NOS1: variants seen among roughly 807,000 people sequenced by gnomAD.
NOS1 encodes the protein NOS type I.
A neutral mutation model predicts 164.5 loss-of-function variants in NOS1; 51 were observed. The observed-to-expected ratio is 0.31, with a 90% confidence interval of 0.25 to 0.39. The LOEUF is 0.39. Among genes scored for constraint, NOS1 ranks in the 10% least tolerant of loss-of-function variants. NOS1 has a pLI of 1.00. For synonymous variants in NOS1, 719 were observed against 745.8 expected (o/e 0.96, Z 0.59); for missense variants, 1,362 against 1,885.6 (o/e 0.72, Z 5.14).
chr12:117,213,256 G>A lies in NOS1; in HGVS notation c.*2053C>T. 1 of 985,476 alleles carries A rather than the reference G, an allele frequency of 1.0e-6. No individual in the cohort carries two copies. The highest frequency in any genetic ancestry group is 6.1e-5 in the Admixed American group (1 of 16,282). 61.0% of individuals were successfully genotyped at this position (985,476 alleles called of 1,614,324 possible). A position where few individuals can be genotyped will look rare whatever the true frequency, so the allele number is the denominator to read the frequency against. On this transcript the variant is annotated 3_prime_UTR_variant, in exon 29 of 29. Coordinates refer to ENST00000317775, the MANE Select transcript of NOS1 (RefSeq NM_000620.5). ...GGGGAATTGGGGAGGCGTCTCCAAA[G>A]CTATAAAGGATTGGAAAGAAAGCCT...
intron 24 of NOS1, among the ~76,000 whole-genome samples, chr12:117,225,792 C>CT (rs929278388): frequency 2.6e-5 from 4 of 151,320 alleles, no homozygotes; most frequent in African/African-American, 7.3e-5. Flanking sequence ...CCCTCGGCTA[C>CT]TTTTTTTTTG....
chr12:117,217,893 T>A (rs578014715), intron 28 of NOS1, among the ~76,000 whole-genome samples, 153 bp downstream of exon 28: 109 of 152,142 alleles, frequency 7.2e-4, no homozygotes, highest in Middle Eastern at 6.8e-3. Flanking sequence ...AGGTCTGGGG[T>A]GGTCTGGGAA....
chr12:117,215,834 G>A (rs1330698096), intron 28 of NOS1, among the ~76,000 whole-genome samples: 1 of 147,684 alleles, frequency 6.8e-6, no homozygotes, highest in African/African-American at 2.5e-5. Flanking sequence ...ATGCTCACAA[G>A]TACAACTGGC....
intron 3 of NOS1, among the ~76,000 whole-genome samples, chr12:117,307,954 G>T (rs748867045): frequency 4.7e-4 from 72 of 151,886 alleles, no homozygotes; most frequent in Non-Finnish European, 9.1e-4. Context: ...GGCGGAGGTT[G>T]CAGTGAGCAG....
intron 3 of NOS1, among the ~76,000 whole-genome samples, chr12:117,310,958 C>G (rs996639136): frequency 2.0e-5 from 3 of 152,242 alleles, no homozygotes; most frequent in South Asian, 4.2e-4. Context: ...TTCCGCCTCC[C>G]AGGTTCACAC....
At chr12:117,293,928 A>T (rs983169660) in intron 3 of NOS1, among the ~76,000 whole-genome samples, 6 of 152,056 alleles carry the variant, frequency 3.9e-5, no homozygotes. Context: ...CTGGCCAGGC[A>T]CCCTAAACAC....
chr12:117,232,320 C>G (rs1402561488), intron 21 of NOS1, among the ~76,000 whole-genome samples, 189 bp from the exon 22 acceptor site: 1 of 151,918 alleles, frequency 6.6e-6, no homozygotes, highest in Admixed American at 6.6e-5. Flanking sequence ...GAAGCAAATC[C>G]CAAATTAGGC....
At position 117,210,103 on chromosome 12, in the gene NOS1, G is replaced by T. The variant is rs950874791; in HGVS notation, c.*5206C>A. 2 of 616,178 alleles carry T rather than the reference G, an allele frequency of 3.2e-6. No individual in the cohort carries two copies. The highest frequency in any genetic ancestry group is 4.1e-6 in the Non-Finnish European group (2 of 493,086). The allele number at this position is 616,178 out of a possible 1,614,324, so 38.2% of individuals were successfully genotyped here. ...TCCTCCTGCCTCAGCCTCCCAAGTA[G>T]CTGGGACCACAGGAGCATGCCATCA... is the stretch of plus-strand genomic sequence containing the variant. On this transcript the variant is annotated 3_prime_UTR_variant, in exon 29 of 29. Coordinates refer to ENST00000317775, the MANE Select transcript of NOS1 (RefSeq NM_000620.5).
chr12:117,243,239 A>G lies in NOS1; in HGVS notation c.2962+58T>C. 1 of 1,599,610 alleles carries G rather than the reference A, an allele frequency of 6.3e-7. No homozygotes were observed. Among genetic ancestry groups the G allele is most frequent in the South Asian group, 1.1e-5 (1 of 88,002 alleles). On this transcript the variant is annotated intron_variant, in intron 19 of 28. Coordinates refer to ENST00000317775, the MANE Select transcript of NOS1 (RefSeq NM_000620.5). This position sits in a 1 kb window ranked among gnomAD's most constrained non-coding sequence, Gnocchi z 4.3. ...TCTCTAAGCACCTTCTGGAGGTGAG[A>G]TCACCTGCCTTTCCCCCATTGTCAC... is the stretch of plus-strand genomic sequence containing the variant.
chr12:117,236,915 G>GA (rs1180136644), intron 20 of NOS1, among the ~76,000 whole-genome samples: 12 of 152,194 alleles, frequency 7.9e-5, no homozygotes, highest in African/African-American at 2.9e-4. Flanking sequence ...AGGTGGGCTA[G>GA]AATGCAAGGT....
In NOS1 at chr12:117,227,569, A is replaced by T; in HGVS notation, c.3478T>A (p.Ser1160Thr). The T allele has an allele frequency of 1.2e-5, 20 of 1,613,780 alleles. No individual in the cohort carries two copies. The highest frequency in any genetic ancestry group is 1.7e-5 in the Non-Finnish European group (20 of 1,179,880). Reference sequence around the variant, plus strand: ...AGCAGGGTGGCCGGCATCTGGATAGATGGGAACTCCTCCAGCACCTCCACG... The same window carrying T: ...AGCAGGGTGGCCGGCATCTGGATAGTTGGGAACTCCTCCAGCACCTCCACG... ...TIVEVLEEFP[S>T]IQMPATLLLT... The change falls in exon 23 of 29, where the codon TCT becomes ACT. Residue 1160 changes from serine to threonine, a missense_variant. Ser to Thr is a moderately conservative substitution (Grantham distance 58). Transcript: ENST00000317775.
intron 1 of NOS1, among the ~76,000 whole-genome samples, chr12:117,336,501 GT>G (rs1464093855): frequency 6.6e-6 from 1 of 152,164 alleles, no homozygotes; most frequent in Non-Finnish European, 1.5e-5. Context: ...CAGTTGCAAT[GT>G]GCTGCAAGAG....
Position 117,272,430 on chromosome 12 carries a change from A to T in NOS1, c.1794T>A (p.Ile598=). 6.2e-7 allele frequency: 1 copy of T among 1,614,114 alleles called. No homozygotes were observed. The highest frequency in any genetic ancestry group is 8.5e-7 in the Non-Finnish European group (1 of 1,180,008). ...PFSGWYMGTE[I]GVRDYCDNSR... is the part of the protein sequence containing the mutation. ...AGTTGTCACAGTAGTCGCGGACACC[A>T]ATCTCTGTGCCCATGTACCAGCCAC... The change falls in exon 10 of 29, where the codon ATT becomes ATA. Residue 598 remains isoleucine (I), a synonymous_variant. Coordinates refer to ENST00000317775, the MANE Select transcript of NOS1 (RefSeq NM_000620.5). This position sits in a 1 kb window ranked among gnomAD's most constrained non-coding sequence, Gnocchi z 4.3.
At chr12:117,255,966 C>G (rs745724978) in intron 16 of NOS1, 3 of 1,488,710 alleles carry the variant, frequency 2.0e-6, no homozygotes, top group East Asian at 2.7e-5. Context: ...TGCAGCCAGA[C>G]CGTGGACTTC....
intron 18 of NOS1, 25 bp downstream of exon 18, chr12:117,247,323 T>C: frequency 1.3e-6 from 2 of 1,559,178 alleles, no homozygotes; most frequent in Non-Finnish European, 1.7e-6. Context: ...TACTTTTTCC[T>C]GTAGGTCCAT....
chr12:117,220,465 C>T (rs765044228), intron 26 of NOS1, among the ~76,000 whole-genome samples, 196 bp from the exon 27 acceptor site: 3 of 152,236 alleles, frequency 2.0e-5, no homozygotes, highest in South Asian at 4.2e-4. Context: ...TTGGAGGGTG[C>T]GGGAATGCAC....
rs567426512 is a variant in NOS1, at chr12:117,316,909, C to A, written c.726-5317G>T. Among the ~76,000 whole-genome samples, 5 of 152,270 alleles carry A rather than the reference C, an allele frequency of 3.3e-5. No homozygotes were observed. In the East Asian group the frequency reaches 7.7e-4, roughly 24 times the overall value. The stretch of plus-strand genomic sequence containing the variant: ...TATTATTATTTTATTGAGACAGAGT[C>A]TCACTCTGTCACCCAGGTTGGAGTG... On this transcript the variant is annotated intron_variant, in intron 2 of 28. Transcript: ENST00000317775.
Position 117,242,529 on chromosome 12 carries a change from G to A in NOS1, c.3041+98C>T, listed in dbSNP as rs1201543393. The A allele has an allele frequency of 1.0e-5, 10 of 987,244 alleles. No homozygotes were observed. In the East Asian group the frequency reaches 1.7e-4, roughly 16 times the overall value. The allele number at this position is 987,244 out of a possible 1,614,324, so 61.2% of individuals were successfully genotyped here. ...TCTCTATGGCACTTTGCAATGATTGGAGAACAGCCAGTCCTTGGAGTCCAC... is the reference window on the plus strand; with the variant it reads ...TCTCTATGGCACTTTGCAATGATTGAAGAACAGCCAGTCCTTGGAGTCCAC... On this transcript the variant is annotated intron_variant, in intron 20 of 28. Transcript: ENST00000317775.
intron 20 of NOS1, among the ~76,000 whole-genome samples, chr12:117,241,143 T>A (rs148754594): frequency 8.5e-4 from 129 of 152,064 alleles, no homozygotes; most frequent in African/African-American, 3.0e-3. Flanking sequence ...TTTCACCACG[T>A]TGGTCAGGCT....
Sources: gnomAD v4.1 joint callset for allele counts (sites outside exome capture counted in the v4.1 genomes callset) on GRCh38, gnomAD v4.1.1 for gene constraint, Gnocchi (gnomAD v3.1) non-coding constraint, MANE v1.5 for transcripts, NCBI Gene and HGNC (gene_info 2026-07-23, HGNC 2026-07-21) for gene names.